The following PTPN5 variants were observed in gnomAD, a reference collection of about 807,000 sequenced individuals.
PTPN5 encodes the protein protein tyrosine phosphatase non-receptor type 5.
Under a neutral mutation model 73.9 loss-of-function variants are expected in PTPN5, and 29 were observed. That is an observed-to-expected ratio of 0.39 (90% confidence interval 0.29 to 0.54). The LOEUF (loss-of-function observed/expected upper bound fraction) is 0.54, where lower values mean the gene tolerates loss of function less well. PTPN5 is among the 20% of genes least tolerant of loss of function. The pLI is 0.65. For synonymous variants in PTPN5, 267 were observed against 304.7 expected (o/e 0.88, Z 1.29); for missense variants, 652 against 751.4 (o/e 0.87, Z 1.55).
At chr11:18,791,263 C>T (rs1368129992) in intron 1 of PTPN5, among the ~76,000 whole-genome samples, 1 of 152,220 alleles carries the variant, frequency 6.6e-6, no homozygotes, top group Non-Finnish European at 1.5e-5. Context: ...GATTCCTCCC[C>T]GGAACCGCGC....
Position 18,743,998 on chromosome 11 carries a change from A to G in PTPN5, c.291+8T>C, listed in dbSNP as rs777427381. 33 of 1,592,052 alleles carry G rather than the reference A, an allele frequency of 2.1e-5. No homozygotes were observed. In the South Asian group the frequency reaches 3.3e-4, roughly 16 times the overall value. ...TCCAGACCCTTGTGAGGCCTGTGCC[A>G]TCCTTACCAGGAACTGTGAGGCAGC... is the stretch of plus-strand genomic sequence containing the variant. On this transcript the variant is annotated splice_region_variant and intron_variant, in intron 4 of 14. Transcript: ENST00000358540.
chr11:18,738,411 C>T (rs1241077980), intron 8 of PTPN5, among the ~76,000 whole-genome samples: 1 of 152,184 alleles, frequency 6.6e-6, no homozygotes, highest in Non-Finnish European at 1.5e-5. Context: ...CCTGATTCTC[C>T]AGAAGGAGAG....
intron 1 of PTPN5, among the ~76,000 whole-genome samples, chr11:18,778,908 C>T (rs769637270): frequency 2.0e-5 from 3 of 152,204 alleles, no homozygotes; most frequent in Admixed American, 6.5e-5. Context: ...TTATTTCATG[C>T]CTCTGGTTTC....
chr11:18,784,194 G>A (rs1851567846), intron 1 of PTPN5, among the ~76,000 whole-genome samples: 1 of 152,170 alleles, frequency 6.6e-6, no homozygotes, highest in South Asian at 2.1e-4. Context: ...ATTGAAAGCG[G>A]GGGCTCAAAC....
intron 1 of PTPN5, among the ~76,000 whole-genome samples, chr11:18,782,204 A>G (rs935291960): frequency 5.3e-5 from 8 of 151,668 alleles, no homozygotes; most frequent in African/African-American, 1.9e-4. Flanking sequence ...AAAACGTGAC[A>G]ACGTGGATGG....
intron 8 of PTPN5, among the ~76,000 whole-genome samples, chr11:18,739,130 A>G (rs1278901161): frequency 6.6e-6 from 1 of 152,112 alleles, no homozygotes; most frequent in African/African-American, 2.4e-5. Context: ...TTGTTTTTGG[A>G]CACACTAAGT....
chr11:18,737,982 G>T lies in PTPN5; in HGVS notation c.916-18C>A, dbSNP rs780020549. 1.2e-6 allele frequency: 2 copies of T among 1,606,538 alleles called. No homozygotes were observed. The highest frequency in any genetic ancestry group is 1.7e-6 in the Non-Finnish European group (2 of 1,173,076). ...GGGATTTCCTGTGGAAGGAGGACAC[G>T]GGGTGTGAGCAGCTATGGGCCCTCA... On this transcript the variant is annotated intron_variant, in intron 8 of 14. Coordinates refer to ENST00000358540, the MANE Select transcript of PTPN5 (RefSeq NM_006906.2).
At chr11:18,744,423 A>G (rs1207378181) in intron 3 of PTPN5, 1 of 399,736 alleles carries the variant, frequency 2.5e-6, no homozygotes, top group East Asian at 3.7e-5. Flanking sequence ...CTCCAGTAAC[A>G]GAGTTAAAAT....
intron 3 of PTPN5, among the ~76,000 whole-genome samples, chr11:18,745,558 A>G (rs1211692006): frequency 1.3e-5 from 2 of 151,948 alleles, no homozygotes; most frequent in African/African-American, 4.8e-5. Flanking sequence ...CCTCCCACAC[A>G]CTTTGCCAAG....
chr11:18,743,140 A>G, intron 5 of PTPN5, 65 bp from the exon 6 acceptor site: 1 of 1,293,996 alleles, frequency 7.7e-7, no homozygotes, highest in African/African-American at 1.5e-5. Context: ...TCTTGCAATG[A>G]TGACAAAACC....
chr11:18,734,035 T>C (rs1482255785), intron 9 of PTPN5, among the ~76,000 whole-genome samples: 2 of 152,230 alleles, frequency 1.3e-5, no homozygotes, highest in African/African-American at 4.8e-5. Flanking sequence ...CTGTGTAGGC[T>C]TGTAAAACAC....
At chr11:18,746,162 A>AATATAAATATATATATATAT (rs1291741015) in intron 3 of PTPN5, among the ~76,000 whole-genome samples, 1 of 67,638 alleles carries the variant, frequency 1.5e-5, no homozygotes, top group African/African-American at 4.4e-5. Flanking sequence ...TATAAATATA[A>AATATAAATATATATATATAT]ATATATATAT....
intron 1 of PTPN5, among the ~76,000 whole-genome samples, chr11:18,784,578 G>A (rs1471866016): frequency 2.0e-5 from 3 of 152,152 alleles, no homozygotes; most frequent in African/African-American, 7.2e-5. Context: ...AGTGGTGATG[G>A]TTGTATAACA....
At chr11:18,777,276 T>A (rs1851204227) in intron 1 of PTPN5, among the ~76,000 whole-genome samples, 1 of 152,256 alleles carries the variant, frequency 6.6e-6, no homozygotes, top group South Asian at 2.1e-4. Context: ...TTGGGCAAGA[T>A]TTTGACTTCT....
At chr11:18,743,591 G>T in intron 4 of PTPN5, 162 bp from the exon 5 acceptor site, 1 of 647,180 alleles carries the variant, frequency 1.5e-6, no homozygotes. Flanking sequence ...CTGCGTGCCC[G>T]GGGAGGCCTC....
At chr11:18,786,094 G>T (rs915617619) in intron 1 of PTPN5, among the ~76,000 whole-genome samples, 1 of 152,182 alleles carries the variant, frequency 6.6e-6, no homozygotes, top group East Asian at 1.9e-4. Context: ...CAGTCTAAGA[G>T]TTTGGAAATT....
intron 3 of PTPN5, among the ~76,000 whole-genome samples, chr11:18,746,306 C>G (rs1849635706): frequency 6.6e-6 from 1 of 151,082 alleles, no homozygotes; most frequent in African/African-American, 2.4e-5. Context: ...ATTTTCCTGC[C>G]TCAGCCTCCG....
At chr11:18,790,572 G>A (rs1282508699) in intron 1 of PTPN5, among the ~76,000 whole-genome samples, 3 of 152,158 alleles carry the variant, frequency 2.0e-5, no homozygotes, top group African/African-American at 7.2e-5. Context: ...TGAGGTTGAA[G>A]GAAGCAAATT....
intron 9 of PTPN5, among the ~76,000 whole-genome samples, chr11:18,736,448 C>T (rs566825432): frequency 6.6e-6 from 1 of 152,236 alleles, no homozygotes; most frequent in Admixed American, 6.5e-5. Flanking sequence ...GGACCTCTCT[C>T]CCCCGCTAGG....
Sources: gnomAD v4.1 joint callset for allele counts (sites outside exome capture counted in the v4.1 genomes callset) on GRCh38, gnomAD v4.1.1 for gene constraint, MANE v1.5 for transcripts, NCBI Gene and HGNC (gene_info 2026-07-23, HGNC 2026-07-21) for gene names.